ST6GALNAC3: variants seen among roughly 807,000 people sequenced by gnomAD.
ST6GALNAC3 encodes alpha-N-acetylgalactosaminide alpha-2,6-sialyltransferase 3.
A neutral mutation model predicts 32.7 loss-of-function variants in ST6GALNAC3; 25 were observed. The observed-to-expected ratio is 0.76, with a 90% CI of 0.56 to 1.07. ST6GALNAC3 has a LOEUF of 1.07. ST6GALNAC3 is among the 50% of genes least tolerant of loss of function. The pLI, the probability that ST6GALNAC3 is intolerant of heterozygous loss-of-function variation, is 0.00. For missense variants in ST6GALNAC3, 355 were observed against 382.4 expected, an observed-to-expected ratio of 0.93 and a Z score of 0.60; for synonymous variants, 129 against 133.1, an observed-to-expected ratio of 0.97 and a Z score of 0.21.
chr1:76,255,189 C>T (rs1163876016), intron 1 of ST6GALNAC3, among the ~76,000 whole-genome samples: 1 of 152,020 alleles, frequency 6.6e-6, no homozygotes, highest in African/African-American at 2.4e-5. Flanking sequence ...GTTTCCTATA[C>T]CCCTGTGTCA....
intron 1 of ST6GALNAC3, among the ~76,000 whole-genome samples, chr1:76,231,717 CT>C (rs901392800): frequency 6.6e-6 from 1 of 152,048 alleles, no homozygotes; most frequent in African/African-American, 2.4e-5. Flanking sequence ...GTATATGTCA[CT>C]TTTTTTTCAT....
At chr1:76,361,033 G>C (rs1649888758) in intron 2 of ST6GALNAC3, among the ~76,000 whole-genome samples, 1 of 151,876 alleles carries the variant, frequency 6.6e-6, no homozygotes, top group Admixed American at 6.6e-5. Context: ...ATGTAAATAA[G>C]TCAGAAACAT....
At chr1:76,356,433 T>TAAAA (rs1649450504) in intron 2 of ST6GALNAC3, among the ~76,000 whole-genome samples, 1 of 6,978 alleles carries the variant, frequency 1.4e-4, no homozygotes, top group African/African-American at 5.8e-4. Flanking sequence ...AACAGTAGGG[T>TAAAA]TAAAAAAAAA....
At chr1:76,326,644 C>A (rs1431408926) in intron 2 of ST6GALNAC3, among the ~76,000 whole-genome samples, 2 of 151,690 alleles carry the variant, frequency 1.3e-5, no homozygotes, top group African/African-American at 4.8e-5. Flanking sequence ...CTAGTAGGAG[C>A]TTAAAAAATG....
chr1:76,370,560 G>C (rs1313235621), intron 2 of ST6GALNAC3, among the ~76,000 whole-genome samples: 3 of 152,072 alleles, frequency 2.0e-5, no homozygotes, highest in Admixed American at 6.6e-5. Flanking sequence ...AGGTCACCAA[G>C]AGTGACTTGT....
intron 2 of ST6GALNAC3, among the ~76,000 whole-genome samples, chr1:76,387,324 T>C (rs189980131): frequency 1.2e-3 from 186 of 152,274 alleles, no homozygotes; most frequent in Non-Finnish European, 2.1e-3. Flanking sequence ...GACAGTACAG[T>C]GCCTGGCACA....
At chr1:76,100,381 C>G (rs1212501136) in intron 1 of ST6GALNAC3, among the ~76,000 whole-genome samples, 1 of 152,064 alleles carries the variant, frequency 6.6e-6, no homozygotes, top group Non-Finnish European at 1.5e-5. Flanking sequence ...TCCTCCTTTG[C>G]TAAGAAGTTT....
chr1:76,251,811 C>T (rs1218316035), intron 1 of ST6GALNAC3, among the ~76,000 whole-genome samples: 1 of 152,120 alleles, frequency 6.6e-6, no homozygotes, highest in African/African-American at 2.4e-5. Flanking sequence ...CACCATACCT[C>T]CATCTATAAA....
intron 1 of ST6GALNAC3, among the ~76,000 whole-genome samples, chr1:76,247,508 C>G (rs1255595704): frequency 2.0e-5 from 3 of 152,124 alleles, no homozygotes; most frequent in Non-Finnish European, 4.4e-5. Flanking sequence ...GCATTTCCTT[C>G]GAAGATGTCT....
intron 2 of ST6GALNAC3, among the ~76,000 whole-genome samples, chr1:76,329,909 GGT>G (rs1423668486): frequency 6.6e-6 from 1 of 151,412 alleles, no homozygotes; most frequent in Admixed American, 6.6e-5. Flanking sequence ...CCCAGGTTCA[GGT>G]GATTCTCCTG....
intron 1 of ST6GALNAC3, among the ~76,000 whole-genome samples, chr1:76,290,143 C>A (rs1259322626): frequency 6.6e-6 from 1 of 152,186 alleles, no homozygotes; most frequent in Non-Finnish European, 1.5e-5. Flanking sequence ...GTAAAAATGC[C>A]CCATGAGCCA....
chr1:76,579,416 T>C (rs1333458702), intron 3 of ST6GALNAC3, among the ~76,000 whole-genome samples: 1 of 151,976 alleles, frequency 6.6e-6, no homozygotes, highest in Non-Finnish European at 1.5e-5. Context: ...AAAAACATAG[T>C]TTTTATATAT....
At chr1:76,109,095 T>C (rs1194263094) in intron 1 of ST6GALNAC3, among the ~76,000 whole-genome samples, 1 of 152,152 alleles carries the variant, frequency 6.6e-6, no homozygotes, top group Non-Finnish European at 1.5e-5. Flanking sequence ...GAATCTTACA[T>C]AACTTGGAGT....
intron 2 of ST6GALNAC3, among the ~76,000 whole-genome samples, chr1:76,380,944 CA>C (rs1308755861): frequency 2.6e-5 from 4 of 152,004 alleles, no homozygotes; most frequent in Non-Finnish European, 5.9e-5. Flanking sequence ...TTAAGAGATG[CA>C]GTGTCCAGAA....
chr1:76,470,641 T>C (rs1557453330), intron 3 of ST6GALNAC3, among the ~76,000 whole-genome samples: 1 of 152,018 alleles, frequency 6.6e-6, no homozygotes, highest in Non-Finnish European at 1.5e-5. Context: ...CCAAATCCAA[T>C]AGGGGGGAAA....
chr1:76,388,857 A>C (rs948391859), intron 2 of ST6GALNAC3, among the ~76,000 whole-genome samples: 2 of 152,182 alleles, frequency 1.3e-5, no homozygotes, highest in African/African-American at 2.4e-5. Flanking sequence ...TCTGTAGTCA[A>C]CTAGTCATGG....
intron 1 of ST6GALNAC3, among the ~76,000 whole-genome samples, chr1:76,203,055 G>A (rs577528364): frequency 2.2e-4 from 34 of 152,144 alleles, no homozygotes; most frequent in Middle Eastern, 3.4e-3. Context: ...GTTGGATTAC[G>A]GATTAAAAAA....
intron 1 of ST6GALNAC3, among the ~76,000 whole-genome samples, chr1:76,205,472 G>A (rs1654769342): frequency 6.6e-6 from 1 of 152,072 alleles, no homozygotes; most frequent in Non-Finnish European, 1.5e-5. Flanking sequence ...GGGGCCAAAA[G>A]GCTGGTGGAT....
At chr1:76,477,404 G>GT (rs1478840192) in intron 3 of ST6GALNAC3, among the ~76,000 whole-genome samples, 1 of 152,162 alleles carries the variant, frequency 6.6e-6, no homozygotes, top group African/African-American at 2.4e-5. Context: ...CAGGTCTTCT[G>GT]TGAGCCAGGC....
Sources: allele counts gnomAD v4.1 joint callset (sites outside exome capture counted in the v4.1 genomes callset), GRCh38; gene constraint gnomAD v4.1.1; transcripts MANE v1.5; gene names NCBI Gene and HGNC (gene_info 2026-07-23, HGNC 2026-07-21).